URI1: variants seen among roughly 807,000 people sequenced by gnomAD.
URI1 encodes the protein URI1 prefoldin like chaperone, also known as unconventional prefoldin RPB5 interactor 1.
A neutral mutation model predicts 60.2 loss-of-function variants in URI1; 39 were observed. The ratio of observed to expected loss-of-function variants is 0.65; its 90% CI spans 0.50 to 0.85. The LOEUF (loss-of-function observed/expected upper bound fraction) is 0.85. Ranked by LOEUF, URI1 falls within the 40% of genes least tolerant of loss-of-function variation. URI1 has a pLI of 0.00. For synonymous variants in URI1, 251 were observed against 236.8 expected (o/e 1.06, Z -0.55); for missense variants, 691 against 665.9 (o/e 1.04, Z -0.42).
At chr19:30,006,274 G>A (rs532339763) in intron 6 of URI1, among the ~76,000 whole-genome samples, 16 of 152,226 alleles carry the variant, frequency 1.1e-4, no homozygotes, top group Non-Finnish European at 2.1e-4. Flanking sequence ...CAGTTGTAAA[G>A]TGTTAACGGT....
chr19:29,995,365 A>G (rs1219783329), intron 4 of URI1, among the ~76,000 whole-genome samples: 1 of 152,006 alleles, frequency 6.6e-6, no homozygotes, highest in Non-Finnish European at 1.5e-5. Context: ...CCACATGTAT[A>G]TCATCTTTGG....
In URI1 at chr19:29,998,357, G is replaced by A. The variant is rs550949168; in HGVS notation, c.368-7004G>A. 1.3e-4 allele frequency among the ~76,000 whole-genome samples: 20 copies of A among 152,204 alleles called. No individual in the cohort carries two copies. The South Asian group carries it at 4.1e-3, about 32-fold the overall frequency. On this transcript the variant is annotated intron_variant, in intron 4 of 10. Coordinates refer to ENST00000392271, the MANE Select transcript of URI1 (RefSeq NM_003796.3). ...GTCTATTAGGTCTAATTGGTCTTTA[G>A]TGGTGTTCATGTTCTTTATTTCCTT... is the stretch of plus-strand genomic sequence containing the variant.
At chr19:30,013,565 G>GTAC (rs2056049381) in intron 10 of URI1, among the ~76,000 whole-genome samples, 1 of 152,150 alleles carries the variant, frequency 6.6e-6, no homozygotes, top group African/African-American at 2.4e-5. Context: ...AGGACTTAGT[G>GTAC]TATCATGGTA....
In URI1 at chr19:30,009,038, T is replaced by C. The variant is rs2055980403; in HGVS notation, c.720T>C (p.Asp240=). The C allele has an allele frequency of 1.9e-6, 3 of 1,613,010 alleles. No individual in the cohort carries two copies. The highest frequency in any genetic ancestry group is 2.7e-5 in the African/African-American group (2 of 74,914). ...ATACTGTGATTGCAAATGGAGAAGATACGACATCTTCTGAAGAGGAAAAGG... is the reference window on the plus strand; with the variant it reads ...ATACTGTGATTGCAAATGGAGAAGACACGACATCTTCTGAAGAGGAAAAGG... The part of the protein sequence containing the change: ...KPDTVIANGE[D]TTSSEEEKED... Residue 240 remains aspartate (D), a synonymous_variant, in exon 8 of 11, where the codon GAT becomes GAC. Transcript: ENST00000392271.
At chr19:29,934,712 A>T (rs1038850171) in intron 1 of URI1, among the ~76,000 whole-genome samples, 2 of 151,508 alleles carry the variant, frequency 1.3e-5, no homozygotes, top group Non-Finnish European at 2.9e-5. Flanking sequence ...ATTTTTTTTT[A>T]ATTTTATTTA....
chr19:30,008,599 A>T (rs554280227), intron 7 of URI1, among the ~76,000 whole-genome samples: 1 of 152,224 alleles, frequency 6.6e-6, no homozygotes, highest in East Asian at 1.9e-4. Context: ...TTACAATAAT[A>T]CATGCTCATT....
rs1306621616 is a variant in URI1, at chr19:30,011,246, G to A, written c.1178+10G>A. ...CTGCAGACATTTACAGGTGGGAGGC[G>A]CTCACAGCTGCAGGGCAGTCTGCTG... On this transcript the variant is annotated intron_variant, in intron 9 of 10. Transcript: ENST00000392271. 1.9e-6 allele frequency: 3 copies of A among 1,592,468 alleles called. No homozygotes were observed. Among genetic ancestry groups the A allele is most frequent in the Admixed American group, 1.8e-5 (1 of 54,418 alleles).
chr19:29,951,223 A>C (rs777186261), intron 1 of URI1, among the ~76,000 whole-genome samples: 2 of 152,216 alleles, frequency 1.3e-5, no homozygotes, highest in African/African-American at 2.4e-5. Context: ...TAAGATGTCA[A>C]GTCTCTCCAT....
chr19:29,966,260 AC>A (rs768345851), intron 1 of URI1, among the ~76,000 whole-genome samples: 36 of 151,976 alleles, frequency 2.4e-4, no homozygotes, highest in Non-Finnish European at 4.3e-4. Context: ...AATTCAAGCT[AC>A]CTGAGTAGCT....
upstream of URI1, among the ~76,000 whole-genome samples, chr19:29,941,967 C>T (rs1478310053): frequency 6.6e-6 from 1 of 150,936 alleles, no homozygotes; most frequent in African/African-American, 2.4e-5. Flanking sequence ...GGGCGTGGAG[C>T]TTCTATAGAA....
chr19:30,007,307 A>G (rs998348048), intron 6 of URI1, among the ~76,000 whole-genome samples, 163 bp from the exon 7 acceptor site: 6 of 152,040 alleles, frequency 3.9e-5, no homozygotes, highest in African/African-American at 1.4e-4. Flanking sequence ...TTGAGTAGCA[A>G]GGCTGTAAGA....
chr19:29,999,408 C>T (rs1003017695), intron 4 of URI1, among the ~76,000 whole-genome samples: 2 of 152,090 alleles, frequency 1.3e-5, no homozygotes, highest in African/African-American at 2.4e-5. Context: ...TTAAATTTCC[C>T]CTCATTTTTA....
At chr19:29,975,475 G>C (rs2055508882) in intron 2 of URI1, among the ~76,000 whole-genome samples, 1 of 147,018 alleles carries the variant, frequency 6.8e-6, no homozygotes, top group African/African-American at 2.5e-5. Context: ...TCCTAACTTT[G>C]TCCCCTAATT....
chr19:29,923,734 A>C (rs1259878909), exon 1 of URI1: 2 of 1,536,726 alleles, frequency 1.3e-6, no homozygotes, highest in Middle Eastern at 1.7e-4. Flanking sequence ...CGTTTCTAAG[A>C]GGGCTCTGGC....
rs71333427 is a variant in URI1 at position 29,980,612 on chromosome 19, TAAA to T, written c.153-4586_153-4584del. 3.5e-3 allele frequency among the ~76,000 whole-genome samples: 258 copies of T among 73,842 alleles called. 1 individual carries two copies. Among genetic ancestry groups the T allele is most frequent in the Non-Finnish European group, 4.9e-3 (220 of 44,518 alleles). The allele number at this position is 73,842 out of a possible 152,430, so 48.4% of individuals were successfully genotyped here. A position where few individuals can be genotyped will look rare whatever the true frequency, so the allele number is the denominator to read the frequency against. On this transcript the variant is annotated intron_variant, in intron 2 of 10. Coordinates refer to ENST00000392271, the MANE Select transcript of URI1 (RefSeq NM_003796.3). Reference sequence around the variant, plus strand: ...GAGAGTGATAGAAGATTTTTTTTCTTAAAAAAAAAAAAAAAAAAAAAAAAAAAC... The same window carrying T: ...GAGAGTGATAGAAGATTTTTTTTCTTAAAAAAAAAAAAAAAAAAAAAAAAC...
chr19:29,982,802 T>G (rs1416694083), intron 2 of URI1, among the ~76,000 whole-genome samples: 1 of 152,224 alleles, frequency 6.6e-6, no homozygotes, highest in Non-Finnish European at 1.5e-5. Flanking sequence ...TTTTTGATGC[T>G]TCATGAAAAA....
At chr19:29,948,998 A>G (rs335042) in intron 1 of URI1, among the ~76,000 whole-genome samples, 136,143 of 145,040 alleles carry the variant, frequency 0.94, 63,763 homozygotes, top group East Asian at 0.99. Context: ...GCGGCTGGCC[A>G]GGCGGGGGCT....
intron 3 of URI1, 98 bp downstream of exon 3, chr19:29,985,399 A>ATC: frequency 1.1e-6 from 1 of 951,294 alleles, no homozygotes; most frequent in Non-Finnish European, 1.6e-6. Flanking sequence ...GACTGTGTCC[A>ATC]AGGTAACTAT....
intron 1 of URI1, chr19:29,956,886 G>A (rs2055255595): frequency 5.8e-6 from 8 of 1,387,516 alleles, no homozygotes; most frequent in Middle Eastern, 2.4e-4. Flanking sequence ...AAGTCCTTCC[G>A]CAGGGTTCCT....
Sources: allele counts gnomAD v4.1 joint callset (sites outside exome capture counted in the v4.1 genomes callset), GRCh38; gene constraint gnomAD v4.1.1; transcripts MANE v1.5; gene names NCBI Gene and HGNC (gene_info 2026-07-23, HGNC 2026-07-21).